SAMD5: variants seen among roughly 807,000 people sequenced by gnomAD.
SAMD5 encodes sterile alpha motif domain containing 5.
A neutral mutation model predicts 11.3 loss-of-function variants in SAMD5; 13 were observed. The ratio of observed to expected loss-of-function variants is 1.15; its 90% confidence interval spans 0.75 to 1.83. The LOEUF (loss-of-function observed/expected upper bound fraction) is 1.83. SAMD5 is among the 40% of genes most tolerant of loss of function. SAMD5 has a pLI of 0.00. For missense variants in SAMD5, 255 were observed against 239.1 expected (o/e 1.07, Z -0.44); for synonymous variants, 129 against 111.3 (o/e 1.16, Z -1.00).
intron 1 of SAMD5, among the ~76,000 whole-genome samples, chr6:147,684,639 G>T (rs759087070): frequency 6.6e-6 from 1 of 151,954 alleles, no homozygotes; most frequent in East Asian, 1.9e-4. Flanking sequence ...TCCTTTTTTC[G>T]ATTTGAGCAT....
chr6:147,510,255 A>T (rs1788068081), intron 1 of SAMD5, among the ~76,000 whole-genome samples: 1 of 152,134 alleles, frequency 6.6e-6, no homozygotes, highest in Admixed American at 6.5e-5. Context: ...GTGGAGTGGG[A>T]GCTGGGTAAT....
At chr6:147,684,318 A>T (rs1475669229) in intron 1 of SAMD5, among the ~76,000 whole-genome samples, 1 of 152,172 alleles carries the variant, frequency 6.6e-6, no homozygotes, top group Admixed American at 6.5e-5. Flanking sequence ...TATATTAATG[A>T]TGTGAATAGA....
chr6:147,626,748 G>A (rs1163466293), intron 1 of SAMD5, among the ~76,000 whole-genome samples: 4 of 126,760 alleles, frequency 3.2e-5, no homozygotes, highest in Non-Finnish European at 4.7e-5. Context: ...GAAGCCAGGA[G>A]CTCAAGACCA....
At chr6:147,793,159 A>G in the SAMD5 span, among the ~76,000 whole-genome samples, 1 of 151,040 alleles carries the variant, frequency 6.6e-6, no homozygotes, top group Admixed American at 6.6e-5. Flanking sequence ...AACATCAACA[A>G]CAAGTCATGT....
intron 1 of SAMD5, among the ~76,000 whole-genome samples, chr6:147,646,056 ATCTATCTATCT>A (rs1562341873): frequency 9.1e-6 from 1 of 110,250 alleles, no homozygotes; most frequent in East Asian, 2.6e-4. Context: ...CTATCTATCT[ATCTATCTATCT>A]ATCTATCTAG....
chr6:147,660,944 G>A (rs1790640496), intron 1 of SAMD5: 1 of 152,240 alleles, frequency 6.6e-6, no homozygotes, highest in Admixed American at 6.5e-5. Flanking sequence ...TTGGGACAGT[G>A]TTTCAAGACA....
chr6:147,622,068 G>GT (rs781015798), intron 1 of SAMD5, among the ~76,000 whole-genome samples: 3 of 152,244 alleles, frequency 2.0e-5, no homozygotes, highest in Non-Finnish European at 4.4e-5. Flanking sequence ...GCTTTCCTAG[G>GT]TTGTCTTCAG....
intron 1 of SAMD5, among the ~76,000 whole-genome samples, chr6:147,592,975 G>A (rs112673991): frequency 1.6e-4 from 25 of 152,226 alleles, no homozygotes; most frequent in African/African-American, 5.8e-4. Flanking sequence ...TGTAGTCTAG[G>A]TGTTTGATTT....
chr6:147,833,075 G>A, the SAMD5 span, among the ~76,000 whole-genome samples: 1 of 152,196 alleles, frequency 6.6e-6, no homozygotes, highest in East Asian at 1.9e-4. Flanking sequence ...AAATCCCAGT[G>A]CCTGGGAACC....
At chr6:147,511,285 G>T (rs1463649660) in intron 1 of SAMD5, among the ~76,000 whole-genome samples, 6 of 152,204 alleles carry the variant, frequency 3.9e-5, no homozygotes, top group Non-Finnish European at 8.8e-5. Context: ...ATAGAGGCTG[G>T]AAAGGATGTT....
At chr6:147,535,235 G>C (rs9399607) in intron 1 of SAMD5, among the ~76,000 whole-genome samples, 118,446 of 152,166 alleles carry the variant, frequency 0.78, 47,116 homozygotes, top group East Asian at 1. Context: ...TTGTAATTGT[G>C]TGAGCGTGCT....
the SAMD5 span, among the ~76,000 whole-genome samples, chr6:147,903,317 A>G: frequency 2.6e-5 from 4 of 152,240 alleles, no homozygotes; most frequent in African/African-American, 9.6e-5. Context: ...TGATTACCTC[A>G]AGGTTATTCC....
At chr6:147,916,680 A>C in the SAMD5 span, among the ~76,000 whole-genome samples, 1 of 148,496 alleles carries the variant, frequency 6.7e-6, no homozygotes, top group African/African-American at 2.5e-5. Flanking sequence ...AGCATTAGGT[A>C]TATCTCCTAA....
the SAMD5 span, among the ~76,000 whole-genome samples, chr6:147,852,094 A>G: frequency 6.6e-6 from 1 of 152,158 alleles, no homozygotes; most frequent in Non-Finnish European, 1.5e-5. Context: ...CTGTATTTTT[A>G]TATTTACTAG....
chr6:147,861,564 T>C, the SAMD5 span, among the ~76,000 whole-genome samples: 4 of 152,174 alleles, frequency 2.6e-5, no homozygotes, highest in Non-Finnish European at 5.9e-5. Flanking sequence ...TCTAGGTTTC[T>C]AGGTAGAAAA....
At chr6:147,664,976 T>C (rs1790695832) in intron 1 of SAMD5, among the ~76,000 whole-genome samples, 1 of 152,174 alleles carries the variant, frequency 6.6e-6, no homozygotes, top group Non-Finnish European at 1.5e-5. Context: ...TAGCAATTTC[T>C]TTAGTGTCTC....
At chr6:147,946,740 C>T in the SAMD5 span, among the ~76,000 whole-genome samples, 5 of 152,132 alleles carry the variant, frequency 3.3e-5, no homozygotes, top group Non-Finnish European at 7.3e-5. Flanking sequence ...GTAACAGAGC[C>T]ACAGTTATAT....
chr6:147,592,270 C>A (rs903786155), intron 1 of SAMD5, among the ~76,000 whole-genome samples: 2 of 152,118 alleles, frequency 1.3e-5, no homozygotes, highest in South Asian at 4.1e-4. Flanking sequence ...AAAGACCTAC[C>A]TTTTCTCCTA....
At chr6:147,736,932 C>G (rs535103400) in intron 1 of SAMD5, among the ~76,000 whole-genome samples, 1 of 151,970 alleles carries the variant, frequency 6.6e-6, no homozygotes, top group South Asian at 2.1e-4. Context: ...ATATTAACTA[C>G]AGAATACATA....
Sources: allele counts gnomAD v4.1 joint callset (sites outside exome capture counted in the v4.1 genomes callset), GRCh38; gene constraint gnomAD v4.1.1; transcripts MANE v1.5; gene names NCBI Gene and HGNC (gene_info 2026-07-23, HGNC 2026-07-21).